The following ADGRB3 variants were observed in gnomAD, a reference collection of about 807,000 sequenced individuals.
The protein encoded by ADGRB3 is brain-specific angiogenesis inhibitor 3.
ADGRB3 carries 37 observed loss-of-function variants against 193.4 expected under a neutral mutation model. That is an observed-to-expected ratio of 0.19 (90% CI 0.15 to 0.25). The LOEUF (loss-of-function observed/expected upper bound fraction) is 0.25, where lower values mean the gene tolerates loss of function less well. Ranked by LOEUF, ADGRB3 falls within the 10% of genes least tolerant of loss-of-function variation. The pLI, the probability that ADGRB3 is intolerant of heterozygous loss-of-function variation, is 1.00. For synonymous variants in ADGRB3, 690 were observed against 644.2 expected, an observed-to-expected ratio of 1.07 and a Z score of -1.08; for missense variants, 1,637 against 1,852.9, an observed-to-expected ratio of 0.88 and a Z score of 2.14.
intron 3 of ADGRB3, among the ~76,000 whole-genome samples, chr6:68,752,554 C>T (rs10455675): frequency 0.43 from 65,033 of 151,512 alleles, 14,138 homozygotes; most frequent in East Asian, 0.64. Flanking sequence ...ATTACAGGCG[C>T]GAGCCACTGT....
At chr6:68,873,970 C>G (rs773581059) in intron 3 of ADGRB3, among the ~76,000 whole-genome samples, 6 of 151,978 alleles carry the variant, frequency 3.9e-5, no homozygotes, top group Non-Finnish European at 8.8e-5. Context: ...AATGAAAGCT[C>G]TAAATTTATA....
At chr6:68,737,739 T>C (rs1055362647) in intron 3 of ADGRB3, among the ~76,000 whole-genome samples, 2 of 152,116 alleles carry the variant, frequency 1.3e-5, no homozygotes, top group East Asian at 3.9e-4. Flanking sequence ...CTCAGCTTCC[T>C]ATAAATGACT....
intron 10 of ADGRB3, among the ~76,000 whole-genome samples, chr6:68,991,332 T>G (rs960579390): frequency 6.6e-6 from 1 of 151,924 alleles, no homozygotes. Flanking sequence ...CAAAACCTCC[T>G]CCTTCAGAAG....
intron 17 of ADGRB3, among the ~76,000 whole-genome samples, chr6:69,196,414 C>T (rs1242367940): frequency 1.3e-5 from 2 of 152,162 alleles, no homozygotes; most frequent in Admixed American, 1.3e-4. Context: ...TTTCACACTT[C>T]CGCAGGCTGT....
At chr6:69,161,204 A>T (rs1179942457) in intron 17 of ADGRB3, among the ~76,000 whole-genome samples, 1 of 152,014 alleles carries the variant, frequency 6.6e-6, no homozygotes, top group East Asian at 1.9e-4. Context: ...TATAATAATG[A>T]TTATTACTAA....
At chr6:68,824,341 A>G (rs942150108) in intron 3 of ADGRB3, among the ~76,000 whole-genome samples, 3 of 151,634 alleles carry the variant, frequency 2.0e-5, no homozygotes, top group African/African-American at 7.3e-5. Flanking sequence ...TTTAAATTAT[A>G]ATGATTATGT....
At position 68,639,417 on chromosome 6, in the gene ADGRB3, C is replaced by A. The variant is rs202036062; in HGVS notation, c.742C>A (p.Arg248=). Residue 248 remains arginine, a synonymous_variant, in exon 3 of 32, where the codon CGA becomes AGA. Transcript: ENST00000370598. The part of the protein sequence containing the change: ...QVCNLTREAK[R]PPKEEFGMMG... ...CTGCAATCTTACCAGGGAGGCCAAG[C>A]GACCACCCAAAGAAGGTAAGTGCCA... 9 of 1,607,308 alleles carry A rather than the reference C, an allele frequency of 5.6e-6. 1 individual carries two copies. Among genetic ancestry groups the A allele is most frequent in the Middle Eastern group, 3.3e-4 (2 of 5,998 alleles).
intron 3 of ADGRB3, among the ~76,000 whole-genome samples, chr6:68,888,357 G>A (rs958397241): frequency 1.3e-5 from 2 of 152,096 alleles, no homozygotes; most frequent in Non-Finnish European, 2.9e-5. Flanking sequence ...GTAATGGACG[G>A]TTGAATTCAT....
chr6:69,242,771 A>T (rs1029313961), intron 20 of ADGRB3, among the ~76,000 whole-genome samples: 3 of 151,948 alleles, frequency 2.0e-5, no homozygotes, highest in African/African-American at 7.2e-5. Flanking sequence ...TTATATTTTG[A>T]GTTTTCTCAT....
At chr6:69,362,683 C>T (rs551040900) in intron 29 of ADGRB3, among the ~76,000 whole-genome samples, 12 of 152,034 alleles carry the variant, frequency 7.9e-5, no homozygotes, top group Non-Finnish European at 1.5e-4. Flanking sequence ...TCTTCAGAAC[C>T]AAAGGCATAG....
chr6:68,816,969 A>G (rs1018436), intron 3 of ADGRB3, among the ~76,000 whole-genome samples: 42,479 of 151,704 alleles, frequency 0.28, 6,774 homozygotes, highest in Middle Eastern at 0.51. Flanking sequence ...CCTGTCATAA[A>G]CAGACTTGTT....
chr6:68,903,975 A>G, intron 3 of ADGRB3, among the ~76,000 whole-genome samples: 1 of 141,272 alleles, frequency 7.1e-6, no homozygotes. Context: ...AAGCCAGGTG[A>G]GAAAGCAAGA....
intron 17 of ADGRB3, among the ~76,000 whole-genome samples, chr6:69,080,469 A>G (rs1013276477): frequency 1.3e-5 from 2 of 151,994 alleles, no homozygotes; most frequent in South Asian, 4.1e-4. Flanking sequence ...TCTTATAAGT[A>G]TGATACAGGA....
chr6:69,018,951 T>A (rs1405732888), intron 13 of ADGRB3, among the ~76,000 whole-genome samples: 2 of 152,002 alleles, frequency 1.3e-5, no homozygotes, highest in Non-Finnish European at 1.5e-5. Context: ...AGGAGCTGAA[T>A]CTGTGTGTGG....
At chr6:68,970,444 G>A (rs1299461446) in intron 8 of ADGRB3, among the ~76,000 whole-genome samples, 1 of 151,856 alleles carries the variant, frequency 6.6e-6, no homozygotes, top group Non-Finnish European at 1.5e-5. Context: ...TTCAGCACCT[G>A]TAGCAGGGAC....
At chr6:68,734,180 A>G (rs1304183938) in intron 3 of ADGRB3, among the ~76,000 whole-genome samples, 2 of 152,012 alleles carry the variant, frequency 1.3e-5, no homozygotes, top group South Asian at 2.1e-4. Context: ...AAATATTTTC[A>G]TACTATAAAT....
chr6:69,322,495 C>T (rs922806245), intron 20 of ADGRB3, among the ~76,000 whole-genome samples: 15 of 151,864 alleles, frequency 9.9e-5, no homozygotes, highest in African/African-American at 3.1e-4. Flanking sequence ...CCTTTTTCTG[C>T]ACAACCTCAG....
intron 20 of ADGRB3, among the ~76,000 whole-genome samples, chr6:69,291,192 C>A (rs1019448942): frequency 1.3e-5 from 2 of 152,018 alleles, no homozygotes; most frequent in Non-Finnish European, 2.9e-5. Flanking sequence ...TGTATGTGCC[C>A]ACCTTCATAT....
intron 3 of ADGRB3, among the ~76,000 whole-genome samples, chr6:68,909,149 C>A (rs1446385554): frequency 2.6e-5 from 4 of 152,112 alleles, no homozygotes; most frequent in African/African-American, 9.7e-5. Context: ...AACCAAATAA[C>A]ATCTTGTTAT....
Sources: gnomAD v4.1 joint callset for allele counts (sites outside exome capture counted in the v4.1 genomes callset) on GRCh38, gnomAD v4.1.1 for gene constraint, MANE v1.5 for transcripts, NCBI Gene and HGNC (gene_info 2026-07-23, HGNC 2026-07-21) for gene names.